CAMKMT: variants seen among roughly 807,000 people sequenced by gnomAD.
CAMKMT encodes CaM KMT.
A neutral mutation model predicts 48.0 loss-of-function variants in CAMKMT; 53 were observed. The observed-to-expected ratio is 1.10, with a 90% CI of 0.89 to 1.39. The LOEUF (loss-of-function observed/expected upper bound fraction) is 1.39, where lower values mean the gene tolerates loss of function less well. Among genes scored for constraint, CAMKMT ranks in the 40% most tolerant of loss-of-function variants. The probability of loss-of-function intolerance (pLI) is 0.00; values close to 1 mark genes in which losing one functional copy is unlikely to be tolerated. For synonymous variants in CAMKMT, 165 were observed against 152.3 expected (o/e 1.08, Z -0.61); for missense variants, 428 against 402.7 (o/e 1.06, Z -0.54).
chr2:44,692,542 G>A (rs942168265), intron 3 of CAMKMT, among the ~76,000 whole-genome samples: 2 of 152,138 alleles, frequency 1.3e-5, no homozygotes, highest in Non-Finnish European at 2.9e-5. Context: ...TTAGGCAAAG[G>A]CCTTGTTTTA....
intron 3 of CAMKMT, among the ~76,000 whole-genome samples, chr2:44,563,381 G>C (rs1256225132): frequency 1.3e-5 from 2 of 151,480 alleles, no homozygotes; most frequent in African/African-American, 2.4e-5. Flanking sequence ...TTATTGTTTT[G>C]CCTTATGTAG....
At chr2:44,502,126 C>T (rs922968192) in intron 3 of CAMKMT, among the ~76,000 whole-genome samples, 9 of 151,938 alleles carry the variant, frequency 5.9e-5, no homozygotes, top group Non-Finnish European at 1.2e-4. Context: ...GAGGCTGAGG[C>T]AGGAGAATTG....
intron 3 of CAMKMT, among the ~76,000 whole-genome samples, chr2:44,633,962 C>G (rs1044616135): frequency 1.3e-5 from 2 of 152,062 alleles, no homozygotes; most frequent in African/African-American, 4.8e-5. Flanking sequence ...TTTTGGAGGA[C>G]ATGTCTAGTG....
intron 6 of CAMKMT, among the ~76,000 whole-genome samples, chr2:44,714,133 G>C (rs1337091757): frequency 6.6e-6 from 1 of 152,170 alleles, no homozygotes; most frequent in African/African-American, 2.4e-5. Flanking sequence ...GCCAGGAATA[G>C]AGGTCAGTAG....
At chr2:44,698,320 G>T (rs76789155) in intron 3 of CAMKMT, among the ~76,000 whole-genome samples, 9,301 of 152,182 alleles carry the variant, frequency 0.061, 650 homozygotes, top group African/African-American at 0.18. Context: ...TACCTATTCT[G>T]GATATTTCAT....
In CAMKMT at chr2:44,390,261, A is replaced by G. The variant is rs1199555307; in HGVS notation, c.332A>G (p.Asn111Ser). ...TCTAGGCATAATAGTGGATCCTTGAATGTTGAAGATGTCCTTACCAGCTTT... is the reference window on the plus strand; with the variant it reads ...TCTAGGCATAATAGTGGATCCTTGAGTGTTGAAGATGTCCTTACCAGCTTT... ...ISLRHNSGSLNVEDVLTSFDN... is the reference protein window; with the variant it reads ...ISLRHNSGSLSVEDVLTSFDN... The change falls in exon 3 of 11, where the codon AAT becomes AGT. Residue 111 changes from asparagine to serine, a missense_variant. Asn to Ser is a conservative substitution (Grantham distance 46). Coordinates refer to ENST00000378494, the MANE Select transcript of CAMKMT (RefSeq NM_024766.5). 20 of 1,609,978 alleles carry G rather than the reference A, an allele frequency of 1.2e-5. No individual in the cohort carries two copies. The highest frequency in any genetic ancestry group is 2.7e-5 in the African/African-American group (2 of 74,758).
chr2:44,488,261 G>A (rs1669304914), intron 3 of CAMKMT, among the ~76,000 whole-genome samples: 1 of 152,192 alleles, frequency 6.6e-6, no homozygotes, highest in South Asian at 2.1e-4. Flanking sequence ...CCTTTTGGGA[G>A]GCCAAGGCGG....
At chr2:44,530,124 C>T (rs1308903018) in intron 3 of CAMKMT, among the ~76,000 whole-genome samples, 1 of 152,256 alleles carries the variant, frequency 6.6e-6, no homozygotes, top group South Asian at 2.1e-4. Context: ...CATAGTATTA[C>T]ACCAGGTGGC....
chr2:44,588,251 C>A (rs1572863769), intron 3 of CAMKMT, among the ~76,000 whole-genome samples: 1 of 50,462 alleles, frequency 2.0e-5, no homozygotes, highest in African/African-American at 6.6e-5. Context: ...GCAGCCACCC[C>A]GTCTGGGAAG....
rs2103923217 is a variant in CAMKMT at position 44,618,549 on chromosome 2, A to G, written c.377-85734A>G. Among the ~76,000 whole-genome samples the G allele has an allele frequency of 6.6e-6, 1 of 152,348 alleles. No homozygotes were observed. The highest frequency in any genetic ancestry group is 2.1e-4 in the South Asian group (1 of 4,830). On this transcript the variant is annotated intron_variant, in intron 3 of 10. Coordinates refer to ENST00000378494, the MANE Select transcript of CAMKMT (RefSeq NM_024766.5). The surrounding 1 kb of genome is among the most constrained non-coding windows in gnomAD (Gnocchi z 4.0). ...TTGAGCATTGGTTGGTTTTAAGACA[A>G]GTTAAATTAGCAGTCTTGAAATGAT...
intron 3 of CAMKMT, among the ~76,000 whole-genome samples, chr2:44,604,275 G>A (rs1229800971): frequency 6.6e-6 from 1 of 152,014 alleles, no homozygotes; most frequent in Non-Finnish European, 1.5e-5. Context: ...TTTCTTGTTT[G>A]TTTACTATAA....
At chr2:44,734,495 A>C (rs942990836) in intron 7 of CAMKMT, among the ~76,000 whole-genome samples, 4 of 151,784 alleles carry the variant, frequency 2.6e-5, no homozygotes, top group Non-Finnish European at 5.9e-5. Flanking sequence ...GCTCACTGCA[A>C]CCTCTGCCTC....
At chr2:44,755,550 A>AC in intron 9 of CAMKMT, among the ~76,000 whole-genome samples, 1 of 151,966 alleles carries the variant, frequency 6.6e-6, no homozygotes, top group African/African-American at 2.4e-5. Flanking sequence ...CATCACCAAT[A>AC]CCCCTTCAAA....
intron 3 of CAMKMT, among the ~76,000 whole-genome samples, chr2:44,578,301 G>T (rs193187289): frequency 2.6e-5 from 4 of 152,236 alleles, no homozygotes; most frequent in Admixed American, 2.6e-4. Flanking sequence ...TAATAATGAG[G>T]CTAATAATTT....
intron 9 of CAMKMT, among the ~76,000 whole-genome samples, chr2:44,755,853 G>A (rs1680352464): frequency 6.6e-6 from 1 of 152,118 alleles, no homozygotes. Flanking sequence ...CAGGGCCCTA[G>A]GGGAGGTGGC....
At chr2:44,563,731 T>C (rs1668456397) in intron 3 of CAMKMT, among the ~76,000 whole-genome samples, 1 of 152,186 alleles carries the variant, frequency 6.6e-6, no homozygotes, top group South Asian at 2.1e-4. Context: ...GTGTTTGGTT[T>C]TCTGTCTTTG....
chr2:44,376,381 A>G (rs1003325333), intron 2 of CAMKMT, among the ~76,000 whole-genome samples: 1 of 151,344 alleles, frequency 6.6e-6, no homozygotes, highest in African/African-American at 2.4e-5. Flanking sequence ...AGATTGTGCC[A>G]CTGAACTCCA....
chr2:44,505,792 A>G (rs1323805152), intron 3 of CAMKMT, among the ~76,000 whole-genome samples: 1 of 152,104 alleles, frequency 6.6e-6, no homozygotes, highest in African/African-American at 2.4e-5. Context: ...TTCCTTTATA[A>G]AATGTCAGCT....
intron 3 of CAMKMT, among the ~76,000 whole-genome samples, chr2:44,624,574 G>A (rs1405553461): frequency 6.6e-6 from 1 of 152,022 alleles, no homozygotes; most frequent in African/African-American, 2.4e-5. Context: ...GAGAACATGC[G>A]GTGTTTGGTT....
Sources: gnomAD v4.1 joint callset for allele counts (sites outside exome capture counted in the v4.1 genomes callset) on GRCh38, gnomAD v4.1.1 for gene constraint, Gnocchi (gnomAD v3.1) non-coding constraint, MANE v1.5 for transcripts, NCBI Gene and HGNC (gene_info 2026-07-23, HGNC 2026-07-21) for gene names.